LRP1B: variants seen among roughly 807,000 people sequenced by gnomAD.
LRP1B encodes LDL receptor related protein 1B.
LRP1B carries 217 observed loss-of-function variants against 556.6 expected under a neutral mutation model. The observed-to-expected ratio is 0.39, with a 90% CI of 0.35 to 0.44. The LOEUF (loss-of-function observed/expected upper bound fraction) is 0.44. Ranked by LOEUF, LRP1B falls within the 20% of genes least tolerant of loss-of-function variation. The pLI is 1.00. For missense variants in LRP1B, 5,053 were observed against 5,620.8 expected (o/e 0.90, Z 3.23); for synonymous variants, 2,047 against 1,865.8 (o/e 1.10, Z -2.50).
chr2:141,519,683 G>T (rs1684465016), intron 2 of LRP1B, among the ~76,000 whole-genome samples: 2 of 150,122 alleles, frequency 1.3e-5, no homozygotes, highest in African/African-American at 2.5e-5. Context: ...TGGCAAATTT[G>T]GCTACAGATT....
rs552790347 is a variant in LRP1B at position 141,246,929 on chromosome 2, C to T, written c.592+297G>A. 2.0e-5 allele frequency among the ~76,000 whole-genome samples: 3 copies of T among 152,134 alleles called. No homozygotes were observed. In the East Asian group the frequency reaches 5.8e-4, roughly 30 times the overall value. ...GAAGTGAGCTGAGATTGTGCCATTG[C>T]ACTCCAGCTCCAGACTGGGTGACAG... On this transcript the variant is annotated intron_variant, in intron 5 of 90. Transcript: ENST00000389484.
chr2:142,048,281 A>C (rs1434399655), intron 1 of LRP1B, among the ~76,000 whole-genome samples: 1 of 152,070 alleles, frequency 6.6e-6, no homozygotes, highest in Non-Finnish European at 1.5e-5. Context: ...TCTTGTACAT[A>C]CTTACTTTTC....
chr2:141,212,171 T>C (rs1682582852), intron 6 of LRP1B, among the ~76,000 whole-genome samples: 1 of 145,548 alleles, frequency 6.9e-6, no homozygotes, highest in Admixed American at 7.0e-5. Context: ...TAGGGAATAA[T>C]ATAAAATCAG....
intron 2 of LRP1B, among the ~76,000 whole-genome samples, chr2:141,764,602 C>A (rs778893021): frequency 6.6e-6 from 1 of 152,126 alleles, no homozygotes; most frequent in Non-Finnish European, 1.5e-5. Flanking sequence ...AAAAGAGAGG[C>A]CTTGGTGGAA....
At chr2:140,493,534 T>C (rs1207187853) in intron 56 of LRP1B, among the ~76,000 whole-genome samples, 1 of 152,174 alleles carries the variant, frequency 6.6e-6, no homozygotes, top group African/African-American at 2.4e-5. Context: ...TCAGTGGTTA[T>C]AATCCTAGAT....
intron 14 of LRP1B, among the ~76,000 whole-genome samples, chr2:141,011,886 C>T (rs1343038068): frequency 1.3e-5 from 2 of 151,774 alleles, no homozygotes; most frequent in Non-Finnish European, 2.9e-5. Context: ...ATTATTCCAT[C>T]GAATATTTAT....
intron 35 of LRP1B, among the ~76,000 whole-genome samples, chr2:140,734,242 T>C (rs143215953): frequency 2.6e-4 from 39 of 152,162 alleles, no homozygotes; most frequent in African/African-American, 8.7e-4. Flanking sequence ...TGAATAACTA[T>C]AAATTAGAAA....
chr2:140,992,885 C>T lies in LRP1B; in HGVS notation c.2644+1110G>A, dbSNP rs1038206124. On this transcript the variant is annotated intron_variant, in intron 16 of 90. Coordinates refer to ENST00000389484, the MANE Select transcript of LRP1B (RefSeq NM_018557.3). ...TTAATGGGTCTGAAAATAAGAAGTA[C>T]ATAATGTTGAAGTCAGGGCCTGAAT... Among the ~76,000 whole-genome samples, 5 of 151,986 alleles carry T rather than the reference C, an allele frequency of 3.3e-5. No homozygotes were observed. In the East Asian group the frequency reaches 7.8e-4, roughly 24 times the overall value.
chr2:140,974,223 G>GA (rs1396434171), intron 18 of LRP1B, among the ~76,000 whole-genome samples: 2 of 152,170 alleles, frequency 1.3e-5, no homozygotes, highest in African/African-American at 4.8e-5. Context: ...CCCAACAGTG[G>GA]AATTAATTAC....
rs1033568432 is a variant in LRP1B, at chr2:141,607,203, A to C, written c.206-126670T>G. ...AGAAAATCGTTCTCAACATTTCTCA[A>C]AACAGACATAAGTGAGTGCATACCC... On this transcript the variant is annotated intron_variant, in intron 2 of 90. Transcript: ENST00000389484. 3.9e-5 allele frequency among the ~76,000 whole-genome samples: 6 copies of C among 152,218 alleles called. No homozygotes were observed. The East Asian group carries it at 9.6e-4, about 24-fold the overall frequency.
intron 2 of LRP1B, among the ~76,000 whole-genome samples, chr2:141,586,310 A>G (rs536112295): frequency 2.0e-5 from 3 of 152,000 alleles, no homozygotes; most frequent in African/African-American, 7.2e-5. Flanking sequence ...CTTAGCATCA[A>G]CTCTAGTCTT....
chr2:140,245,766 AC>A (rs1288420923), intron 87 of LRP1B, among the ~76,000 whole-genome samples: 2 of 151,386 alleles, frequency 1.3e-5, no homozygotes, highest in African/African-American at 2.4e-5. Flanking sequence ...TAGGCAAGAC[AC>A]ATTTTGCCAC....
At chr2:141,102,117 A>G (rs190468365) in intron 7 of LRP1B, among the ~76,000 whole-genome samples, 1 of 152,288 alleles carries the variant, frequency 6.6e-6, no homozygotes, top group Admixed American at 6.5e-5. Context: ...ATGGTTGCTT[A>G]TACAGAGCTG....
At chr2:140,260,758 T>C (rs1294374991) in intron 86 of LRP1B, among the ~76,000 whole-genome samples, 1 of 151,928 alleles carries the variant, frequency 6.6e-6, no homozygotes, top group African/African-American at 2.4e-5. Context: ...GCAATACTAA[T>C]ATCAGATTTC....
chr2:141,002,125 G>A (rs372716944), intron 15 of LRP1B, among the ~76,000 whole-genome samples: 3 of 151,754 alleles, frequency 2.0e-5, no homozygotes, highest in East Asian at 3.9e-4. Flanking sequence ...ACAGAATAAA[G>A]AAACGGAAAC....
chr2:140,315,258 C>T (rs1684471065), intron 82 of LRP1B, among the ~76,000 whole-genome samples, 159 bp from the exon 83 acceptor site: 1 of 151,960 alleles, frequency 6.6e-6, no homozygotes, highest in South Asian at 2.1e-4. Context: ...TATCTGAAAA[C>T]AGATAGATTC....
rs541332454 is a variant in LRP1B, at chr2:141,348,011, A to G, written c.344-93370T>C. Among the ~76,000 whole-genome samples the G allele has an allele frequency of 3.3e-5, 5 of 152,206 alleles. No homozygotes were observed. The South Asian group carries it at 8.3e-4, about 25-fold the overall frequency. ...AAATCAGACCAGGTACTGAACATCA[A>G]TCTATTTCAATGTAGTCTTTTATAC... is the stretch of plus-strand genomic sequence containing the variant. On this transcript the variant is annotated intron_variant, in intron 3 of 90. Transcript: ENST00000389484.
intron 7 of LRP1B, among the ~76,000 whole-genome samples, chr2:141,129,621 TAGC>T (rs969774015): frequency 9.2e-5 from 14 of 151,628 alleles, no homozygotes; most frequent in Non-Finnish European, 1.9e-4. Context: ...AAAGAGAAAA[TAGC>T]AGGCATAAAT....
intron 31 of LRP1B, among the ~76,000 whole-genome samples, chr2:140,821,479 A>C (rs1051038416): frequency 1.3e-5 from 2 of 152,214 alleles, no homozygotes; most frequent in African/African-American, 4.8e-5. Context: ...TAATAAGTAT[A>C]TATCAATAAC....
Sources: allele counts gnomAD v4.1 joint callset (sites outside exome capture counted in the v4.1 genomes callset), GRCh38; gene constraint gnomAD v4.1.1; transcripts MANE v1.5; gene names NCBI Gene and HGNC (gene_info 2026-07-23, HGNC 2026-07-21).